KCNJ15: variants seen among roughly 807,000 people sequenced by gnomAD.
KCNJ15 encodes potassium inwardly rectifying channel subfamily J member 15.
A neutral mutation model predicts 23.0 loss-of-function variants in KCNJ15; 14 were observed. The observed-to-expected ratio is 0.61, with a 90% CI of 0.40 to 0.95. The LOEUF (loss-of-function observed/expected upper bound fraction) is 0.95, where lower values mean the gene tolerates loss of function less well. Among genes scored for constraint, KCNJ15 ranks in the 40% least tolerant of loss-of-function variants. The pLI, the probability that KCNJ15 is intolerant of heterozygous loss-of-function variation, is 0.00. For missense variants in KCNJ15, 388 were observed against 461.8 expected, an observed-to-expected ratio of 0.84 and a Z score of 1.46; for synonymous variants, 185 against 183.2, an observed-to-expected ratio of 1.01 and a Z score of -0.08.
Position 38,241,884 on chromosome 21 carries a change from G to A in KCNJ15, c.-398-15162G>A, listed in dbSNP as rs144215517. On this transcript the variant is annotated intron_variant, in intron 1 of 4. Transcript: ENST00000547341. ...CTTGGAAGACTGAGGCAGGAGAATCGCTTGAACCAGGGAGGTGGAAGTTGC... is the reference window on the plus strand; with the variant it reads ...CTTGGAAGACTGAGGCAGGAGAATCACTTGAACCAGGGAGGTGGAAGTTGC... Among the ~76,000 whole-genome samples the A allele has an allele frequency of 2.2e-3, 335 of 150,766 alleles. 2 individuals are homozygous for A. Among genetic ancestry groups the A allele is most frequent in the African/African-American group, 7.4e-3 (303 of 40,806 alleles).
In KCNJ15 at chr21:38,299,193, G is replaced by A; in HGVS notation, c.-18-51G>A. The stretch of plus-strand genomic sequence containing the variant: ...CTTCACATGATGATTCTATTTTCTG[G>A]AAGTTCCACCACATATGGCGATAAT... On this transcript the variant is annotated intron_variant, in intron 2 of 2. Coordinates refer to ENST00000398938, the MANE Select transcript of KCNJ15 (RefSeq NM_170736.3). The surrounding 1 kb of genome is among the most constrained non-coding windows in gnomAD (Gnocchi z 4.5). 7.4e-7 allele frequency: 1 copy of A among 1,345,492 alleles called. No individual in the cohort carries two copies. The highest frequency in any genetic ancestry group is 1.0e-6 in the Non-Finnish European group (1 of 970,996). The allele number at this position is 1,345,492 out of a possible 1,614,324, so 83.3% of individuals were successfully genotyped here.
At chr21:38,277,087 C>T (rs1982790633) in intron 1 of KCNJ15, among the ~76,000 whole-genome samples, 1 of 149,422 alleles carries the variant, frequency 6.7e-6, no homozygotes, top group South Asian at 2.1e-4. Context: ...AATAGTAGCA[C>T]CAAAAAAGAA....
At chr21:38,235,989 T>C (rs1438940358) in intron 1 of KCNJ15, among the ~76,000 whole-genome samples, 2 of 152,248 alleles carry the variant, frequency 1.3e-5, no homozygotes, top group Non-Finnish European at 2.9e-5. Context: ...ATGGTTTAGA[T>C]TGTGTTAATA....
rs1986009290 is a variant in KCNJ15 at position 38,305,090 on chromosome 21, AAAAAAAAG to A, written c.*4707_*4714del. The stretch of plus-strand genomic sequence containing the variant: ...AGTAAAACTCCGTCTCAAAAAAAAA[AAAAAAAAG>A]AAAAAGAAAAAGAAAAGAAAAGAAA... On this transcript the variant is annotated 3_prime_UTR_variant, in exon 3 of 3. Coordinates refer to ENST00000398938, the MANE Select transcript of KCNJ15 (RefSeq NM_170736.3). 6.6e-6 allele frequency: 1 copy of A among 150,824 alleles called. No homozygotes were observed. Among genetic ancestry groups the A allele is most frequent in the South Asian group, 2.1e-4 (1 of 4,784 alleles). 9.3% of individuals were successfully genotyped at this position (150,824 alleles called of 1,614,324 possible). A position where few individuals can be genotyped will look rare whatever the true frequency, so the allele number is the denominator to read the frequency against.
At position 38,299,105 on chromosome 21, in the gene KCNJ15, G is replaced by T; in HGVS notation, c.-18-139G>T. ...CTACCCTACCGACCACCTAAGTATA[G>T]ATCAGTTAATCTTGCCTTCAGAATT... On this transcript the variant is annotated intron_variant, in intron 2 of 2. Coordinates refer to ENST00000398938, the MANE Select transcript of KCNJ15 (RefSeq NM_170736.3). This position sits in a 1 kb window ranked among gnomAD's most constrained non-coding sequence, Gnocchi z 4.5. The T allele has an allele frequency of 1.4e-6, 1 of 695,262 alleles. No homozygotes were observed. The highest frequency in any genetic ancestry group is 2.4e-6 in the Non-Finnish European group (1 of 415,666). 43.1% of individuals were successfully genotyped at this position (695,262 alleles called of 1,614,324 possible). A position where few individuals can be genotyped will look rare whatever the true frequency, so the allele number is the denominator to read the frequency against.
chr21:38,276,419 A>T (rs1258273193), intron 1 of KCNJ15, among the ~76,000 whole-genome samples: 7 of 152,076 alleles, frequency 4.6e-5, no homozygotes, highest in African/African-American at 1.7e-4. Context: ...TCAGTACTAA[A>T]TTATGTGTGT....
chr21:38,282,531 T>A (rs1374675651), intron 1 of KCNJ15, among the ~76,000 whole-genome samples: 2 of 152,196 alleles, frequency 1.3e-5, no homozygotes, highest in African/African-American at 4.8e-5. Flanking sequence ...AAATCTTTAT[T>A]TCTAATTGAA....
chr21:38,265,451 A>G (rs1424447249), intron 1 of KCNJ15, among the ~76,000 whole-genome samples: 1 of 152,230 alleles, frequency 6.6e-6, no homozygotes, highest in Admixed American at 6.5e-5. Context: ...CTTTCTGCAC[A>G]GCACTTTGCT....
chr21:38,276,475 G>A (rs1771447115), intron 1 of KCNJ15, among the ~76,000 whole-genome samples: 1 of 152,044 alleles, frequency 6.6e-6, no homozygotes, highest in East Asian at 1.9e-4. Context: ...ATTTAAAATG[G>A]TAATAGGAAT....
chr21:38,263,371 G>A (rs746150024), intron 1 of KCNJ15, among the ~76,000 whole-genome samples: 3 of 152,102 alleles, frequency 2.0e-5, no homozygotes, highest in Non-Finnish European at 2.9e-5. Context: ...GCTGGTGAGC[G>A]GAGTCCTGTG....
chr21:38,296,686 G>A (rs1985196220), intron 1 of KCNJ15: 2 of 152,540 alleles, frequency 1.3e-5, no homozygotes, highest in African/African-American at 4.8e-5. Context: ...CTCTTTCCAG[G>A]GTGTTTTGCT....
chr21:38,296,767 T>C (rs1267826574), intron 1 of KCNJ15, 159 bp from the exon 2 acceptor site: 2 of 152,738 alleles, frequency 1.3e-5, no homozygotes, highest in East Asian at 3.9e-4. Context: ...CCTTCTTAAA[T>C]CGTTCCTTGA....
At chr21:38,260,376 C>A (rs924456890) in intron 1 of KCNJ15, among the ~76,000 whole-genome samples, 3 of 152,158 alleles carry the variant, frequency 2.0e-5, no homozygotes, top group African/African-American at 7.2e-5. Flanking sequence ...TCAGAAACAT[C>A]TGTGCTGTTT....
At chr21:38,273,021 A>G (rs1464299866) in intron 1 of KCNJ15, among the ~76,000 whole-genome samples, 1 of 152,250 alleles carries the variant, frequency 6.6e-6, no homozygotes, top group African/African-American at 2.4e-5. Flanking sequence ...GGTTAGATAT[A>G]CAAATAAGTA....
intron 1 of KCNJ15, among the ~76,000 whole-genome samples, chr21:38,292,164 A>G (rs1392307532): frequency 1.3e-5 from 2 of 152,200 alleles, no homozygotes; most frequent in African/African-American, 4.8e-5. Flanking sequence ...TGCTCCATGT[A>G]TTAGCTTTGT....
Position 38,288,597 on chromosome 21 carries a change from C to T in KCNJ15, c.-116-8329C>T, listed in dbSNP as rs529956278. 3.3e-5 allele frequency among the ~76,000 whole-genome samples: 5 copies of T among 152,252 alleles called. No homozygotes were observed. The East Asian group carries it at 9.6e-4, about 29-fold the overall frequency. Reference sequence around the variant, plus strand: ...TTGTTACCCATATTTATAAAACATACTTTCTATGTTTCCGTGCCTTCATCG... The same window carrying T: ...TTGTTACCCATATTTATAAAACATATTTTCTATGTTTCCGTGCCTTCATCG... On this transcript the variant is annotated intron_variant, in intron 1 of 2. Transcript: ENST00000398938.
At position 38,305,304 on chromosome 21, in the gene KCNJ15, A is replaced by C. The variant is rs77706530; in HGVS notation, c.*4915A>C. ...GTTAAAAAATAATCAATTCAAATTC[A>C]AATTAGGAATTTATGGACATTCAGA... is the stretch of plus-strand genomic sequence containing the variant. On this transcript the variant is annotated 3_prime_UTR_variant, in exon 3 of 3. Coordinates refer to ENST00000398938, the MANE Select transcript of KCNJ15 (RefSeq NM_170736.3). 639 of 152,302 alleles carry C rather than the reference A, an allele frequency of 4.2e-3. 4 individuals are homozygous for C. Among genetic ancestry groups the C allele is most frequent in the African/African-American group, 0.015 (615 of 41,562 alleles). The allele number at this position is 152,302 out of a possible 1,614,324, so 9.4% of individuals were successfully genotyped here.
At chr21:38,249,124 C>T (rs1202238146) in intron 1 of KCNJ15, among the ~76,000 whole-genome samples, 1 of 152,064 alleles carries the variant, frequency 6.6e-6, no homozygotes, top group Non-Finnish European at 1.5e-5. Flanking sequence ...TTTAGTGTCC[C>T]AAGGCAAGAA....
chr21:38,307,186 A>G lies in KCNJ15; in HGVS notation c.*6797A>G, dbSNP rs560765851. Reference sequence around the variant, plus strand: ...CATCACTGAACCCAATCATACAATGACCAGACAGCTTTAAATACCTACTTT... The same window carrying G: ...CATCACTGAACCCAATCATACAATGGCCAGACAGCTTTAAATACCTACTTT... On this transcript the variant is annotated 3_prime_UTR_variant, in exon 3 of 3. Transcript: ENST00000398938. The G allele has an allele frequency of 4.6e-5, 7 of 152,328 alleles. No individual in the cohort carries two copies. The East Asian group carries it at 1.3e-3, about 29-fold the overall frequency. The allele number at this position is 152,328 out of a possible 1,614,324, so 9.4% of individuals were successfully genotyped here.
Sources: allele counts gnomAD v4.1 joint callset (sites outside exome capture counted in the v4.1 genomes callset), GRCh38; gene constraint gnomAD v4.1.1; non-coding constraint Gnocchi (gnomAD v3.1); transcripts MANE v1.5; gene names NCBI Gene and HGNC (gene_info 2026-07-23, HGNC 2026-07-21).